PHB2: variants seen among roughly 807,000 people sequenced by gnomAD.
The protein encoded by PHB2 is prohibitin-2.
Under a neutral mutation model 46.4 loss-of-function variants are expected in PHB2, and 22 were observed. That is an observed-to-expected ratio of 0.47 (90% CI 0.34 to 0.68). PHB2 has a LOEUF of 0.68. Among genes scored for constraint, PHB2 ranks in the 30% least tolerant of loss-of-function variants. The probability of loss-of-function intolerance (pLI) is 0.01; values close to 1 mark genes in which losing one functional copy is unlikely to be tolerated. For synonymous variants in PHB2, 156 were observed against 150.5 expected (o/e 1.04, Z -0.27); for missense variants, 305 against 382.8 (o/e 0.80, Z 1.70).
rs782262172 is a variant in PHB2, at chr12:6,968,482, T to A, written c.406A>T (p.Ile136Phe). The change falls in exon 4 of 10, where the codon ATT (isoleucine) becomes TTT (phenylalanine). Residue 136 changes from isoleucine (I) to phenylalanine (F), a missense_variant. By Grantham distance (21) the Ile-to-Phe change is conservative. Transcript: ENST00000535923. ...ACACTCTTGAGCACCTCGTTGACAA[T>A]GGACGGCAACACTCGTTCCTCGTAG... ...LDYEERVLPS[I>F]VNEVLKSVVA... 6.2e-7 allele frequency: 1 copy of A among 1,613,312 alleles called. No homozygotes were observed. Among genetic ancestry groups the A allele is most frequent in the Non-Finnish European group, 8.5e-7 (1 of 1,179,636 alleles).
intron 9 of PHB2, 37 bp from the exon 10 acceptor site, chr12:6,965,749 G>C (rs1555150679): frequency 6.3e-7 from 1 of 1,595,074 alleles, no homozygotes. Context: ...ACATTATTAG[G>C]GGACATAAAT....
intron 2 of PHB2, 61 bp from the exon 3 acceptor site, chr12:6,969,638 G>A (rs929964079): frequency 3.0e-5 from 28 of 929,274 alleles, no homozygotes; most frequent in African/African-American, 8.2e-5. Flanking sequence ...GGTGGCTCAC[G>A]CCTGTAATCC....
At chr12:6,970,119 GCA>G in intron 2 of PHB2, 75 bp downstream of exon 2, 1 of 1,060,250 alleles carries the variant, frequency 9.4e-7, no homozygotes, top group Non-Finnish European at 1.5e-6. Context: ...GAATCCTGTT[GCA>G]CGTCCGACTA....
rs1477880975 is a variant in PHB2, at chr12:6,970,532, G to A, written c.12C>T (p.Asn4=). The change falls in exon 1 of 10, where the codon AAC becomes AAT. Residue 4 remains asparagine (N), a synonymous_variant. Transcript: ENST00000535923. Reference sequence around the variant, plus strand: ...GCAGCCGTCCCGCCAAGTCCTTCAAGTTCTGGGCCATGTCTGATCTTGAGG... The same window carrying A: ...GCAGCCGTCCCGCCAAGTCCTTCAAATTCTGGGCCATGTCTGATCTTGAGG... MAQ[N]LKDLAGRLPA... 4 of 1,602,918 alleles carry A rather than the reference G, an allele frequency of 2.5e-6. No individual in the cohort carries two copies. In the African/African-American group the frequency reaches 4.0e-5, roughly 16 times the overall value.
At position 6,970,408 on chromosome 12, in the gene PHB2, G is replaced by T. The variant is rs188456062; in HGVS notation, c.127+9C>A. Reference sequence around the variant, plus strand: ...GGAAGCGTCCGGCGAGCAGGCGGAGGTTGCTCACCGGTGAACACAGATTCG... The same window carrying T: ...GGAAGCGTCCGGCGAGCAGGCGGAGTTTGCTCACCGGTGAACACAGATTCG... On this transcript the variant is annotated intron_variant, in intron 1 of 9. Coordinates refer to ENST00000535923, the MANE Select transcript of PHB2 (RefSeq NM_001144831.2). The T allele has an allele frequency of 1.9e-4, 303 of 1,603,760 alleles. No homozygotes were observed. In the African/African-American group the frequency reaches 3.6e-3, roughly 19 times the overall value.
intron 3 of PHB2, 102 bp downstream of exon 3, chr12:6,969,396 A>G: frequency 3.4e-6 from 2 of 587,400 alleles, no homozygotes; most frequent in South Asian, 2.9e-5. Context: ...GCAGATGTGG[A>G]AAGAGGCCTA....
At position 6,965,716 on chromosome 12, in the gene PHB2, T is replaced by G. The variant is rs1555150665; in HGVS notation, c.873-4A>C. ...CTTACCCTTGATGAGGCTGTCACTG[T>G]AGGAAAAAAAAGATAGATAATGACA... On this transcript the variant is annotated splice_polypyrimidine_tract_variant and splice_region_variant and intron_variant, in intron 9 of 9. Transcript: ENST00000535923. 6.2e-7 allele frequency: 1 copy of G among 1,609,838 alleles called. No individual in the cohort carries two copies. The highest frequency in any genetic ancestry group is 8.5e-7 in the Non-Finnish European group (1 of 1,177,594).
rs1555150926 is a variant in PHB2 at position 6,967,265 on chromosome 12, TAC to T, written c.712-19_712-18del. 6.2e-7 allele frequency: 1 copy of T among 1,613,724 alleles called. No individual in the cohort carries two copies. The highest frequency in any genetic ancestry group is 1.7e-5 in the Admixed American group (1 of 60,004). ...TTCTCCAAGGTGAGGAGGGTTAAGGTACACGCAAGGGCAGGTCTCAATCCCTG... is the reference window on the plus strand; with the variant it reads ...TTCTCCAAGGTGAGGAGGGTTAAGGTACGCAAGGGCAGGTCTCAATCCCTG... On this transcript the variant is annotated intron_variant, in intron 6 of 9. Transcript: ENST00000535923. The surrounding 1 kb of genome is among the most constrained non-coding windows in gnomAD (Gnocchi z 4.9).
At chr12:6,968,647 C>T (rs1555151347) in intron 3 of PHB2, 52 bp from the exon 4 acceptor site, 1 of 1,443,948 alleles carries the variant, frequency 6.9e-7, no homozygotes, top group Middle Eastern at 1.7e-4. Flanking sequence ...CTTTCCCAAG[C>T]ATTTTCTCCT....
chr12:6,970,250 T>C lies in PHB2; in HGVS notation c.158A>G (p.Asn53Ser), dbSNP rs781889714. The C allele has an allele frequency of 2.0e-5, 33 of 1,613,702 alleles. No individual in the cohort carries two copies. The highest frequency in any genetic ancestry group is 1.0e-4 in the Admixed American group (6 of 60,008). Residue 53 changes from asparagine to serine, a missense_variant, in exon 2 of 10, where the codon AAT (asparagine) becomes AGT (serine). Around this residue, in one of 3 missense-constraint regions of PHB2, gnomAD observed 4 missense variants for 19.2 expected, o/e 0.21. Coordinates refer to ENST00000535923, the MANE Select transcript of PHB2 (RefSeq NM_001144831.2). ...VEGGHRAIFF[N>S]RIGGVQQDTI... ...GTCCTGCTGCACTCCACCGATCCGA[T>C]TGAAGAAGATGGCTCTGTGCCCGCC...
intron 7 of PHB2, among the ~76,000 whole-genome samples, chr12:6,966,725 G>T (rs1435928763): frequency 1.3e-5 from 2 of 152,108 alleles, no homozygotes; most frequent in African/African-American, 2.4e-5. Flanking sequence ...TTGACAGGAG[G>T]AGTATCGGAG....
In PHB2 at chr12:6,967,625, G is replaced by C; in HGVS notation, c.711+51C>G. ...CAGCCTGCCCATGAAGGAGAATGGG[G>C]AACTCAGGTGCCCTAGGGGCTGGGC... On this transcript the variant is annotated intron_variant, in intron 6 of 9. Transcript: ENST00000535923. The surrounding 1 kb of genome is among the most constrained non-coding windows in gnomAD (Gnocchi z 4.9). The C allele has an allele frequency of 7.1e-7, 1 of 1,415,224 alleles. No individual in the cohort carries two copies. The highest frequency in any genetic ancestry group is 1.8e-4 in the Middle Eastern group (1 of 5,676). The allele number at this position is 1,415,224 out of a possible 1,614,324, so 87.7% of individuals were successfully genotyped here.
Position 6,967,539 on chromosome 12 carries a change from C to G in PHB2, c.711+137G>C, listed in dbSNP as rs782197249. On this transcript the variant is annotated intron_variant, in intron 6 of 9. Transcript: ENST00000535923. This position sits in a 1 kb window ranked among gnomAD's most constrained non-coding sequence, Gnocchi z 4.9. ...AAGATTTCAGATCTCATCTGTAGTC[C>G]CCACCCCCAACAAGGAGCCAAGGGC... 3.3e-6 allele frequency: 3 copies of G among 919,484 alleles called. No individual in the cohort carries two copies. The highest frequency in any genetic ancestry group is 5.4e-6 in the Non-Finnish European group (3 of 556,984). The allele number at this position is 919,484 out of a possible 1,614,324, so 57.0% of individuals were successfully genotyped here.
intron 7 of PHB2, 93 bp from the exon 8 acceptor site, chr12:6,966,593 G>T: frequency 1.2e-6 from 1 of 802,354 alleles, no homozygotes; most frequent in Non-Finnish European, 2.3e-6. Flanking sequence ...TGGAACACAT[G>T]CAGATTAGGG....
Position 6,967,336 on chromosome 12 carries a change from C to G in PHB2, c.712-88G>C, listed in dbSNP as rs1343813311. ...TCCCTTGCTCCAGTCCTCCTCTGGG[C>G]TGTCAGATCCAAGGTTGCGCTCAGG... On this transcript the variant is annotated intron_variant, in intron 6 of 9. Transcript: ENST00000535923. The surrounding 1 kb of genome is among the most constrained non-coding windows in gnomAD (Gnocchi z 4.9). The G allele has an allele frequency of 6.2e-7, 1 of 1,611,566 alleles. No homozygotes were observed. The highest frequency in any genetic ancestry group is 1.3e-5 in the African/African-American group (1 of 74,896).
In PHB2 at chr12:6,969,495, T is replaced by C. The variant is rs1397925167; in HGVS notation, c.292+3A>G. The stretch of plus-strand genomic sequence containing the variant: ...CATGTGATTACCAAGTGCTCAGACC[T>C]ACCTTTGGAGCCTGTAGGGGAGGAG... On this transcript the variant is annotated splice_donor_region_variant and intron_variant, in intron 3 of 9. Transcript: ENST00000535923. The C allele has an allele frequency of 1.3e-6, 2 of 1,571,008 alleles. No individual in the cohort carries two copies. Among genetic ancestry groups the C allele is most frequent in the East Asian group, 2.3e-5 (1 of 44,390 alleles).
rs1946309536 is a variant in PHB2 at position 6,970,662 on chromosome 12, A to C, written c.-119T>G. 2 of 1,257,816 alleles carry C rather than the reference A, an allele frequency of 1.6e-6. No homozygotes were observed. The highest frequency in any genetic ancestry group is 4.8e-5 in the East Asian group (2 of 42,004). The allele number at this position is 1,257,816 out of a possible 1,614,324, so 77.9% of individuals were successfully genotyped here. Reference sequence around the variant, plus strand: ...GGGTTCGGGCCCGTAAGGCTGGCGAAAGAAAGGGCAGCGGAAGTGCGCTCC... The same window carrying C: ...GGGTTCGGGCCCGTAAGGCTGGCGACAGAAAGGGCAGCGGAAGTGCGCTCC... On this transcript the variant is annotated 5_prime_UTR_variant, in exon 1 of 10. Transcript: ENST00000535923.
upstream of PHB2, chr12:6,970,672 A>C (rs1555151996): frequency 5.9e-5 from 69 of 1,163,014 alleles, no homozygotes; most frequent in East Asian, 1.7e-3. Flanking sequence ...AAGAAAGGGC[A>C]GCGGAAGTGC....
chr12:6,965,680 T>C lies in PHB2; in HGVS notation c.*5A>G. The C allele has an allele frequency of 1.2e-6, 2 of 1,611,588 alleles. No individual in the cohort carries two copies. Among genetic ancestry groups the C allele is most frequent in the African/African-American group, 1.3e-5 (1 of 74,920 alleles). On this transcript the variant is annotated 3_prime_UTR_variant, in exon 10 of 10. Coordinates refer to ENST00000535923, the MANE Select transcript of PHB2 (RefSeq NM_001144831.2). ...CTCTGGGGGTGGAGTTCTTGGTGAC[T>C]AGGCTCATTTCTTACCCTTGATGAG...
Sources: gnomAD v4.1 joint callset for allele counts (sites outside exome capture counted in the v4.1 genomes callset) on GRCh38, gnomAD v4.1.1 for gene constraint, gnomAD v4.1.1 regional missense constraint, Gnocchi (gnomAD v3.1) non-coding constraint, MANE v1.5 for transcripts, NCBI Gene and HGNC (gene_info 2026-07-23, HGNC 2026-07-21) for gene names.